The following KCNK1 variants were observed in gnomAD, a reference collection of about 807,000 sequenced individuals.
KCNK1 encodes the protein potassium two pore domain channel subfamily K member 1.
Under a neutral mutation model 22.2 loss-of-function variants are expected in KCNK1, and 10 were observed. That is an observed-to-expected ratio of 0.45 (90% CI 0.28 to 0.76). The LOEUF (loss-of-function observed/expected upper bound fraction) is 0.76, where lower values mean the gene tolerates loss of function less well. Ranked by LOEUF, KCNK1 falls within the 30% of genes least tolerant of loss-of-function variation. The pLI is 0.14. For missense variants in KCNK1, 378 were observed against 421.0 expected, an observed-to-expected ratio of 0.90 and a Z score of 0.89; for synonymous variants, 200 against 186.4, an observed-to-expected ratio of 1.07 and a Z score of -0.60.
rs35873424 is a variant in KCNK1 at position 233,634,003 on chromosome 1, A to C, written c.355+19477A>C. 5.0e-3 allele frequency among the ~76,000 whole-genome samples: 762 copies of C among 152,276 alleles called. 4 individuals carry two copies. The highest frequency in any genetic ancestry group is 0.019 in the South Asian group (92 of 4,826). ...AGGGGACTATGAGAAATAGACACACACAATAAGAATATTTACATTTTGGGC... is the reference window on the plus strand; with the variant it reads ...AGGGGACTATGAGAAATAGACACACCCAATAAGAATATTTACATTTTGGGC... On this transcript the variant is annotated intron_variant, in intron 1 of 2. Coordinates refer to ENST00000366621, the MANE Select transcript of KCNK1 (RefSeq NM_002245.4).
intron 1 of KCNK1, among the ~76,000 whole-genome samples, chr1:233,650,893 C>T (rs1658190824): frequency 6.6e-6 from 1 of 152,182 alleles, no homozygotes. Flanking sequence ...CCACGTTTCC[C>T]TCCCGGGGGC....
chr1:233,671,669 A>T lies in KCNK1; in HGVS notation c.*139A>T, dbSNP rs1387022912. 3.2e-6 allele frequency: 3 copies of T among 937,222 alleles called. No individual in the cohort carries two copies. Among genetic ancestry groups the T allele is most frequent in the Non-Finnish European group, 4.7e-6 (3 of 637,282 alleles). The allele number at this position is 937,222 out of a possible 1,614,324, so 58.1% of individuals were successfully genotyped here. On this transcript the variant is annotated 3_prime_UTR_variant, in exon 3 of 3. Coordinates refer to ENST00000366621, the MANE Select transcript of KCNK1 (RefSeq NM_002245.4). ...TAGCTACTGTTTGCAATGTCTTATTAAAAAACAACAAAAAAAGACAAATGG... is the reference window on the plus strand; with the variant it reads ...TAGCTACTGTTTGCAATGTCTTATTTAAAAACAACAAAAAAAGACAAATGG...
rs542341967 is a variant in KCNK1, at chr1:233,656,125, G to A, written c.356-10470G>A. Among the ~76,000 whole-genome samples the A allele has an allele frequency of 2.6e-5, 4 of 152,318 alleles. No individual in the cohort carries two copies. In the East Asian group the frequency reaches 5.8e-4, roughly 22 times the overall value. On this transcript the variant is annotated intron_variant, in intron 1 of 2. Transcript: ENST00000366621. ...TCAAATGGGTTACAGGATTAAACAA[G>A]TGTCATCCAAAGGACCATCAGGATG...
intron 1 of KCNK1, among the ~76,000 whole-genome samples, chr1:233,632,455 A>G (rs780524848): frequency 6.6e-6 from 1 of 152,162 alleles, no homozygotes; most frequent in Non-Finnish European, 1.5e-5. Context: ...TCATTTTTTT[A>G]TAACCTTACC....
chr1:233,628,034 A>C (rs1657720360), intron 1 of KCNK1, among the ~76,000 whole-genome samples: 1 of 152,156 alleles, frequency 6.6e-6, no homozygotes, highest in African/African-American at 2.4e-5. Context: ...CTCTACCCAG[A>C]TGTCTGGGCT....
intron 1 of KCNK1, among the ~76,000 whole-genome samples, chr1:233,656,527 A>G (rs900634182): frequency 2.6e-5 from 4 of 152,192 alleles, no homozygotes; most frequent in African/African-American, 4.8e-5. Flanking sequence ...CCCTTGGCTT[A>G]TTGATTCTTT....
At chr1:233,663,897 T>A (rs1348422833) in intron 1 of KCNK1, among the ~76,000 whole-genome samples, 1 of 151,980 alleles carries the variant, frequency 6.6e-6, no homozygotes, top group Non-Finnish European at 1.5e-5. Flanking sequence ...AATGGCGCGA[T>A]CTCAGCTCAC....
Position 233,672,289 on chromosome 1 carries a change from A to G in KCNK1, c.*759A>G, listed in dbSNP as rs1382391897. On this transcript the variant is annotated 3_prime_UTR_variant, in exon 3 of 3. Coordinates refer to ENST00000366621, the MANE Select transcript of KCNK1 (RefSeq NM_002245.4). ...TACCCTCTTGCGATAGAATGGTGTC[A>G]GATGTCTAACATGTTTATAAACATT... 1.3e-5 allele frequency: 2 copies of G among 152,486 alleles called. No homozygotes were observed. The highest frequency in any genetic ancestry group is 3.9e-4 in the East Asian group (2 of 5,190). 9.4% of individuals were successfully genotyped at this position (152,486 alleles called of 1,614,324 possible). A position where few individuals can be genotyped will look rare whatever the true frequency, so the allele number is the denominator to read the frequency against.
chr1:233,628,156 G>A (rs770656292), intron 1 of KCNK1, among the ~76,000 whole-genome samples: 13 of 152,164 alleles, frequency 8.5e-5, no homozygotes, highest in Non-Finnish European at 2.9e-5. Flanking sequence ...GCCATCTCAC[G>A]GGAGCATTCC....
At chr1:233,663,811 G>A (rs1658442172) in intron 1 of KCNK1, among the ~76,000 whole-genome samples, 1 of 151,660 alleles carries the variant, frequency 6.6e-6, no homozygotes, top group Admixed American at 6.6e-5. Flanking sequence ...CTACATTTGC[G>A]AATCGCTTTT....
chr1:233,648,367 A>G (rs936849799), intron 1 of KCNK1, among the ~76,000 whole-genome samples: 1 of 152,226 alleles, frequency 6.6e-6, no homozygotes, highest in Non-Finnish European at 1.5e-5. Context: ...TACACAGTGC[A>G]TACACAAGCC....
At chr1:233,617,854 TAG>T (rs1657511692) in intron 1 of KCNK1, among the ~76,000 whole-genome samples, 1 of 152,120 alleles carries the variant, frequency 6.6e-6, no homozygotes, top group East Asian at 1.9e-4. Flanking sequence ...GCATTGAGTC[TAG>T]GAGTTTGAGG....
rs1247005574 is a variant in KCNK1 at position 233,614,486 on chromosome 1, C to T, written c.315C>T (p.Thr105=). ...CGGGCAACTGGAACTGGGACTTCAC[C>T]TCCGCGCTCTTCTTCGCCAGCACCG... ...NASGNWNWDF[T]SALFFASTVL... is the part of the protein sequence containing the mutation. The change falls in exon 1 of 3, where the codon ACC becomes ACT. Residue 105 remains threonine, a synonymous_variant. Coordinates refer to ENST00000366621, the MANE Select transcript of KCNK1 (RefSeq NM_002245.4). The T allele has an allele frequency of 1.9e-6, 3 of 1,611,480 alleles. No individual in the cohort carries two copies. The highest frequency in any genetic ancestry group is 2.7e-5 in the African/African-American group (2 of 74,850).
chr1:233,666,388 G>T (rs1268983421), intron 1 of KCNK1, among the ~76,000 whole-genome samples: 2 of 152,162 alleles, frequency 1.3e-5, no homozygotes, highest in East Asian at 3.8e-4. Flanking sequence ...TACAAAGAAT[G>T]GTGGACTTTC....
At chr1:233,653,280 T>A (rs552036571) in intron 1 of KCNK1, among the ~76,000 whole-genome samples, 1 of 152,330 alleles carries the variant, frequency 6.6e-6, no homozygotes, top group African/African-American at 2.4e-5. Context: ...CAGCATGGCA[T>A]GGCATGCCCC....
chr1:233,647,509 T>G (rs1658120815), intron 1 of KCNK1, among the ~76,000 whole-genome samples: 1 of 152,172 alleles, frequency 6.6e-6, no homozygotes, highest in South Asian at 2.1e-4. Flanking sequence ...TTGGAGAGTT[T>G]CTGCCCTTTA....
At chr1:233,664,034 G>T (rs992397769) in intron 1 of KCNK1, among the ~76,000 whole-genome samples, 51 of 152,102 alleles carry the variant, frequency 3.4e-4, no homozygotes, top group African/African-American at 1.1e-3. Flanking sequence ...GTTTCACCAT[G>T]TTGGCCAGGC....
chr1:233,669,391 A>C lies in KCNK1; in HGVS notation c.752-1880A>C, dbSNP rs188829424. 7.9e-5 allele frequency among the ~76,000 whole-genome samples: 12 copies of C among 152,338 alleles called. No individual in the cohort carries two copies. In the East Asian group the frequency reaches 1.2e-3, roughly 15 times the overall value. The stretch of plus-strand genomic sequence containing the variant: ...CTTACAATGTGGATCATTTTTTAAA[A>C]AGCAATCTACATAGAATTAGTTTAT... On this transcript the variant is annotated intron_variant, in intron 2 of 2. Transcript: ENST00000366621.
chr1:233,642,157 G>C (rs1162787432), intron 1 of KCNK1, among the ~76,000 whole-genome samples: 1 of 152,124 alleles, frequency 6.6e-6, no homozygotes, highest in African/African-American at 2.4e-5. Flanking sequence ...CCTGCTTTTG[G>C]GGAGTCATGT....
Sources: allele counts gnomAD v4.1 joint callset (sites outside exome capture counted in the v4.1 genomes callset), GRCh38; gene constraint gnomAD v4.1.1; transcripts MANE v1.5; gene names NCBI Gene and HGNC (gene_info 2026-07-23, HGNC 2026-07-21).